The following BCOR variants were observed in gnomAD, a reference collection of about 807,000 sequenced individuals.
The protein encoded by BCOR is BCL-6 corepressor.
In BCOR, 10 loss-of-function variants were observed where a neutral mutation model predicts 86.7. The observed-to-expected ratio is 0.12, with a 90% CI of 0.07 to 0.20. The LOEUF (loss-of-function observed/expected upper bound fraction) is 0.20. Among genes scored for constraint, BCOR ranks in the 10% least tolerant of loss-of-function variants. The pLI is 1.00. For missense variants in BCOR, 1,259 were observed against 1,452.1 expected (o/e 0.87, Z 2.16); for synonymous variants, 611 against 609.0 (o/e 1.00, Z -0.05).
chrX:40,057,025 G>A, intron 11 of BCOR, 130 bp downstream of exon 11: 1 of 720,740 alleles, frequency 1.4e-6, no homozygotes, highest in East Asian at 3.4e-5. Context: ...AGAACCCAGT[G>A]GTCAGTGTGC....
chrX:40,056,586 C>T (rs1001591066), intron 11 of BCOR, among the ~76,000 whole-genome samples: 15 of 112,008 alleles, frequency 1.3e-4, no homozygotes, highest in African/African-American at 4.5e-4. Context: ...AATACATTTC[C>T]GTTTGGCTAT....
At chrX:40,100,699 C>CAA (rs1223252222), upstream of BCOR, among the ~76,000 whole-genome samples, 1 of 36,157 alleles carries the variant, frequency 2.8e-5, no homozygotes, top group African/African-American at 1.1e-4. Context: ...AACTCCGTCT[C>CAA]AAAAAAAAAA....
At chrX:40,144,018 A>G (rs1937983482) in intron 1 of BCOR, among the ~76,000 whole-genome samples, 1 of 112,064 alleles carries the variant, frequency 8.9e-6, no homozygotes, top group African/African-American at 3.2e-5. Context: ...TCTCCTTACC[A>G]ATAGGAAGGC....
At position 40,052,387 on chromosome X, in the gene BCOR, G is replaced by C. The variant is rs777472330; in HGVS notation, c.4990C>G (p.Leu1664Val). The part of the protein sequence containing the change: ...VSVAQGPRNW[L>V]LLSDVLKKLK... ...TTCTTAAGGACATCCGAAAGCAGTA[G>C]CCAGTTTCGTGGCCTACAAAACAGA... The change falls in exon 15 of 15, where the codon CTA becomes GTA. Residue 1664 changes from leucine (L) to valine (V), a missense_variant. Coordinates refer to ENST00000378444, the MANE Select transcript of BCOR (RefSeq NM_001123385.2). 4 of 1,207,706 alleles carry C rather than the reference G, an allele frequency of 3.3e-6. No homozygotes were observed. Among genetic ancestry groups the C allele is most frequent in the African/African-American group, 1.8e-5 (1 of 56,920 alleles).
rs1178525455 is a variant in BCOR at position 40,071,087 on chromosome X, C to T, written c.3124G>A (p.Glu1042Lys). 3.3e-6 allele frequency: 4 copies of T among 1,208,615 alleles called. No homozygotes were observed. The highest frequency in any genetic ancestry group is 4.5e-6 in the Non-Finnish European group (4 of 894,769). The part of the protein sequence containing the change: ...EGGHPATKDS[E>K]MCKFSPADWE... ...TCGGCTGGGCTGAATTTGCACATCTCGGAGTCTTTGGTTGCTGGGTGGCCA... is the reference window on the plus strand; with the variant it reads ...TCGGCTGGGCTGAATTTGCACATCTTGGAGTCTTTGGTTGCTGGGTGGCCA... Residue 1042 changes from glutamate (E) to lysine (K), a missense_variant, in exon 6 of 15, where the codon GAG becomes AAG. By Grantham distance (56) the Glu-to-Lys change is moderately conservative (BLOSUM62 1). This residue lies in a region of BCOR where 56 missense variants were observed against 106.6 expected (regional missense o/e 0.53). Coordinates refer to ENST00000378444, the MANE Select transcript of BCOR (RefSeq NM_001123385.2).
At chrX:40,161,131 C>T (rs1275234471) in intron 1 of BCOR, among the ~76,000 whole-genome samples, 4 of 108,693 alleles carry the variant, frequency 3.7e-5, no homozygotes, top group African/African-American at 1.3e-4. Flanking sequence ...CCTCAGCCTC[C>T]AGAGTAGCTG....
At chrX:40,077,819 G>A in intron 2 of BCOR, 25 bp downstream of exon 2, 1 of 1,193,909 alleles carries the variant, frequency 8.4e-7, no homozygotes, top group Non-Finnish European at 1.1e-6. Context: ...CTCCACTCAG[G>A]CCCGGCCCAG....
At chrX:40,063,999 G>A (rs1935044303) in intron 7 of BCOR, 47 bp from the exon 8 acceptor site, 3 of 436,516 alleles carry the variant, frequency 6.9e-6, no homozygotes, top group Non-Finnish European at 1.1e-5. Context: ...CCCCGGGGGG[G>A]AACAAACTGT....
intron 1 of BCOR, among the ~76,000 whole-genome samples, chrX:40,122,660 G>A (rs1457931318): frequency 8.9e-6 from 1 of 111,923 alleles, no homozygotes; most frequent in Non-Finnish European, 1.9e-5. Context: ...CATGCCCCAA[G>A]GACCATGGAA....
intron 6 of BCOR, among the ~76,000 whole-genome samples, chrX:40,065,536 T>C (rs915098991): frequency 2.7e-5 from 3 of 112,565 alleles, no homozygotes; most frequent in African/African-American, 6.5e-5. Flanking sequence ...CCAGGAACCC[T>C]GTGCTCGGCC....
Position 40,072,965 on chromosome X carries a change from C to G in BCOR, c.2381G>C (p.Gly794Ala). 8.3e-7 allele frequency: 1 copy of G among 1,211,631 alleles called. No individual in the cohort carries two copies. The highest frequency in any genetic ancestry group is 1.1e-6 in the Non-Finnish European group (1 of 895,437). The change falls in exon 4 of 15, where the codon GGG becomes GCG. Residue 794 changes from glycine to alanine, a missense_variant. Coordinates refer to ENST00000378444, the MANE Select transcript of BCOR (RefSeq NM_001123385.2). ...NLKPNPNWNQ[G>A]KTVVKSDKLV... Reference sequence around the variant, plus strand: ...CTTGTCGCTTTTGACAACAGTCTTCCCTTGATTCCAGTTGGGGTTCGGCTT... The same window carrying G: ...CTTGTCGCTTTTGACAACAGTCTTCGCTTGATTCCAGTTGGGGTTCGGCTT...
chrX:40,105,876 T>G, intron 1 of BCOR, among the ~76,000 whole-genome samples: 1 of 112,778 alleles, frequency 8.9e-6, no homozygotes, highest in Non-Finnish European at 1.9e-5. Flanking sequence ...GCTTCTGGCC[T>G]GAAGAGGTCG....
chrX:40,097,738 G>A lies in BCOR; in HGVS notation c.-564C>T, dbSNP rs1936962577. ...TCGGGCTGGGTGTGTGTGAGTGTGT[G>A]TGAGTGTTGGCCAAGTCGTCCCTGC... On this transcript the variant is annotated 5_prime_UTR_variant, in exon 1 of 15. Coordinates refer to ENST00000378444, the MANE Select transcript of BCOR (RefSeq NM_001123385.2). Among the ~76,000 whole-genome samples the A allele has an allele frequency of 9.0e-6, 1 of 111,238 alleles. No individual in the cohort carries two copies. Among genetic ancestry groups the A allele is most frequent in the South Asian group, 3.7e-4 (1 of 2,699 alleles).
intron 1 of BCOR, among the ~76,000 whole-genome samples, chrX:40,135,240 C>T (rs1395466761): frequency 9.0e-6 from 1 of 111,174 alleles, no homozygotes; most frequent in East Asian, 2.8e-4. Context: ...GGATCCTATG[C>T]CACATCTCCA....
At chrX:40,121,116 G>A (rs1002295819) in intron 1 of BCOR, among the ~76,000 whole-genome samples, 7 of 111,278 alleles carry the variant, frequency 6.3e-5, no homozygotes, top group Non-Finnish European at 1.1e-4. Flanking sequence ...AAAGGGGGGC[G>A]GGGGTTGATC....
chrX:40,164,977 C>T (rs976742899), intron 1 of BCOR, among the ~76,000 whole-genome samples: 6 of 111,813 alleles, frequency 5.4e-5, no homozygotes, highest in African/African-American at 2.0e-4. Flanking sequence ...GATGCCCAGG[C>T]GGCCCATGGA....
At chrX:40,104,797 G>T (rs1313556315) in intron 1 of BCOR, among the ~76,000 whole-genome samples, 1 of 113,013 alleles carries the variant, frequency 8.8e-6, no homozygotes, top group East Asian at 2.8e-4. Context: ...GCTTGGCCGC[G>T]GTCTAAGCTC....
chrX:40,144,734 T>A (rs1362937848), intron 1 of BCOR, among the ~76,000 whole-genome samples: 2 of 110,038 alleles, frequency 1.8e-5, no homozygotes, highest in African/African-American at 6.6e-5. Context: ...CCGCCCCCCC[T>A]CCCCGCCAAA....
intron 10 of BCOR, among the ~76,000 whole-genome samples, chrX:40,058,725 A>G (rs1257626763): frequency 1.8e-5 from 2 of 111,265 alleles, no homozygotes; most frequent in Non-Finnish European, 1.9e-5. Context: ...CAAGGGGAGG[A>G]AGAGAGAAGG....
Sources: gnomAD v4.1 joint callset for allele counts (sites outside exome capture counted in the v4.1 genomes callset) on GRCh38, gnomAD v4.1.1 for gene constraint, gnomAD v4.1.1 regional missense constraint, MANE v1.5 for transcripts, NCBI Gene and HGNC (gene_info 2026-07-23, HGNC 2026-07-21) for gene names.